MOXD1: variants seen among roughly 807,000 people sequenced by gnomAD.
MOXD1 encodes the protein DBH-like monooxygenase protein 1.
Under a neutral mutation model 66.6 loss-of-function variants are expected in MOXD1, and 62 were observed. The ratio of observed to expected loss-of-function variants is 0.93; its 90% CI spans 0.76 to 1.15. The LOEUF (loss-of-function observed/expected upper bound fraction) is 1.15. MOXD1 is among the 50% of genes most tolerant of loss of function. The probability of loss-of-function intolerance (pLI) is 0.00; values close to 1 mark genes in which losing one functional copy is unlikely to be tolerated. For missense variants in MOXD1, 847 were observed against 754.6 expected, an observed-to-expected ratio of 1.12 and a Z score of -1.44; for synonymous variants, 303 against 281.9, an observed-to-expected ratio of 1.07 and a Z score of -0.75.
chr6:132,304,129 C>A (rs1242628970), intron 10 of MOXD1, among the ~76,000 whole-genome samples: 2 of 151,462 alleles, frequency 1.3e-5, no homozygotes, highest in East Asian at 1.9e-4. Flanking sequence ...AGAGGTGGGG[C>A]CTTGAGGAGG....
intron 1 of MOXD1, among the ~76,000 whole-genome samples, chr6:132,386,447 A>AAAC (rs1776646501): frequency 7.7e-6 from 1 of 130,300 alleles, no homozygotes; most frequent in African/African-American, 3.3e-5. Flanking sequence ...AAAAAAAAAC[A>AAAC]AAAAAAAAAC....
In MOXD1 at chr6:132,340,704, T is replaced by C. The variant is rs187774205; in HGVS notation, c.664-12110A>G. ...CTCTGTCACCCAGGCTGGAGTGCAG[T>C]GGCGCGATCTCTGCTCACTGCAAGC... On this transcript the variant is annotated intron_variant, in intron 4 of 11. Coordinates refer to ENST00000367963, the MANE Select transcript of MOXD1 (RefSeq NM_015529.4). Among the ~76,000 whole-genome samples the C allele has an allele frequency of 2.7e-3, 373 of 140,020 alleles. 2 individuals are homozygous for C. The highest frequency in any genetic ancestry group is 3.8e-3 in the Middle Eastern group (1 of 262). 91.9% of individuals were successfully genotyped at this position (140,020 alleles called of 152,430 possible). A position where few individuals can be genotyped will look rare whatever the true frequency, so the allele number is the denominator to read the frequency against.
rs1213955872 is a variant in MOXD1 at position 132,374,661 on chromosome 6, A to G, written c.381T>C (p.His127=). The change falls in exon 2 of 12, where the codon CAT becomes CAC. Residue 127 remains histidine (H), a synonymous_variant. Transcript: ENST00000367963. ...TACTCTTGTCATTTATGTCACATGTATGCAGCTCTCTGGTAAATTCAATTA... is the reference window on the plus strand; with the variant it reads ...TACTCTTGTCATTTATGTCACATGTGTGCAGCTCTCTGGTAAATTCAATTA... ...HTIIEFTREL[H]TCDINDKSIT... is the part of the protein sequence containing the mutation. 1.9e-6 allele frequency: 3 copies of G among 1,613,842 alleles called. No individual in the cohort carries two copies. The highest frequency in any genetic ancestry group is 2.2e-5 in the East Asian group (1 of 44,866).
chr6:132,315,271 G>C lies in MOXD1; in HGVS notation c.1508+364C>G, dbSNP rs554828436. Among the ~76,000 whole-genome samples the C allele has an allele frequency of 9.2e-5, 14 of 152,318 alleles. No homozygotes were observed. In the East Asian group the frequency reaches 1.4e-3, roughly 15 times the overall value. ...ATGATGGTGTAATTTGGTGCATTCT[G>C]TGTGACTCCACTGGAAGAGGGCTCT... On this transcript the variant is annotated intron_variant, in intron 10 of 11. Coordinates refer to ENST00000367963, the MANE Select transcript of MOXD1 (RefSeq NM_015529.4).
intron 4 of MOXD1, among the ~76,000 whole-genome samples, chr6:132,345,707 A>T (rs1289273798): frequency 1.3e-5 from 2 of 152,218 alleles, no homozygotes; most frequent in Non-Finnish European, 2.9e-5. Flanking sequence ...TAGAGTAATA[A>T]CTGACTAGGA....
At chr6:132,329,619 G>T (rs1775273898) in intron 4 of MOXD1, among the ~76,000 whole-genome samples, 1 of 151,884 alleles carries the variant, frequency 6.6e-6, no homozygotes, top group South Asian at 2.1e-4. Flanking sequence ...GAAGGCTAGG[G>T]CTCAATCATT....
intron 4 of MOXD1, among the ~76,000 whole-genome samples, chr6:132,369,352 C>G (rs1195940904): frequency 1.3e-5 from 2 of 152,116 alleles, no homozygotes; most frequent in Non-Finnish European, 2.9e-5. Context: ...ACTTATCATG[C>G]ACTGTGGCCA....
intron 1 of MOXD1, among the ~76,000 whole-genome samples, chr6:132,386,437 A>ACAAAAC (rs1262240824): frequency 0.016 from 2,261 of 145,352 alleles, 77 homozygotes; most frequent in African/African-American, 0.054. Context: ...ACAAAACAAA[A>ACAAAAC]AAAAAAAACA....
At chr6:132,354,128 G>C (rs1775862297) in intron 4 of MOXD1, among the ~76,000 whole-genome samples, 1 of 152,086 alleles carries the variant, frequency 6.6e-6, no homozygotes, top group African/African-American at 2.4e-5. Context: ...AGCTTAATAA[G>C]TAACCTCCTG....
intron 4 of MOXD1, 50 bp from the exon 5 acceptor site, chr6:132,328,644 C>A: frequency 6.7e-7 from 1 of 1,499,270 alleles, no homozygotes; most frequent in Non-Finnish European, 9.1e-7. Flanking sequence ...GACCACCCTA[C>A]AACATCCCAC....
At chr6:132,374,515 G>A in intron 2 of MOXD1, 116 bp downstream of exon 2, 7 of 1,029,392 alleles carry the variant, frequency 6.8e-6, no homozygotes, top group Admixed American at 3.2e-5. Context: ...AATCAAAAAA[G>A]ATTTCAAAAA....
At chr6:132,317,546 A>C (rs2114561137) in intron 9 of MOXD1, among the ~76,000 whole-genome samples, 1 of 152,244 alleles carries the variant, frequency 6.6e-6, no homozygotes. Flanking sequence ...TACCAAGGGG[A>C]ATGTCCAGTG....
chr6:132,299,192 C>T (rs778136856), intron 10 of MOXD1, among the ~76,000 whole-genome samples: 8 of 152,116 alleles, frequency 5.3e-5, no homozygotes, highest in Non-Finnish European at 7.3e-5. Context: ...CCAAAAACCG[C>T]GTGTTCTCAC....
rs1562287208 is a variant in MOXD1, at chr6:132,340,638, A to ATCTTTTTTTTT, written c.664-12045_664-12044insAAAAAAAAAGA. On this transcript the variant is annotated intron_variant, in intron 4 of 11. Transcript: ENST00000367963. ...ACAACATGCTAAAACAACAAGACTC[A>ATCTTTTTTTTT]TTTTTTTTTTTTTTTTTTTTTTTTT... Among the ~76,000 whole-genome samples, 10 of 98,808 alleles carry ATCTTTTTTTTT rather than the reference A, an allele frequency of 1.0e-4. 1 individual carries two copies. Among genetic ancestry groups the ATCTTTTTTTTT allele is most frequent in the African/African-American group, 4.4e-4 (10 of 22,542 alleles). The allele number at this position is 98,808 out of a possible 152,430, so 64.8% of individuals were successfully genotyped here. A position where few individuals can be genotyped will look rare whatever the true frequency, so the allele number is the denominator to read the frequency against.
chr6:132,366,884 T>G (rs1278067492), intron 4 of MOXD1, among the ~76,000 whole-genome samples: 1 of 152,076 alleles, frequency 6.6e-6, no homozygotes, highest in Non-Finnish European at 1.5e-5. Context: ...TACAGTAATC[T>G]GGCTTCAAGG....
At chr6:132,354,850 G>A (rs1228849646) in intron 4 of MOXD1, among the ~76,000 whole-genome samples, 1 of 152,106 alleles carries the variant, frequency 6.6e-6, no homozygotes, top group African/African-American at 2.4e-5. Flanking sequence ...GGGAATGGGG[G>A]TGAGGTTCCC....
At chr6:132,354,936 G>A (rs1484302096) in intron 4 of MOXD1, among the ~76,000 whole-genome samples, 1 of 152,046 alleles carries the variant, frequency 6.6e-6, no homozygotes, top group African/African-American at 2.4e-5. Flanking sequence ...GGAAGTAGGG[G>A]AAAACCAACA....
At chr6:132,397,698 GAAAA>G (rs869225642) in intron 1 of MOXD1, among the ~76,000 whole-genome samples, 8 of 139,652 alleles carry the variant, frequency 5.7e-5, no homozygotes, top group African/African-American at 1.0e-4. Flanking sequence ...AAGAAAGAAA[GAAAA>G]AGAAAGAGTA....
At chr6:132,302,810 C>G (rs943463506) in intron 10 of MOXD1, among the ~76,000 whole-genome samples, 1 of 151,966 alleles carries the variant, frequency 6.6e-6, no homozygotes, top group African/African-American at 2.4e-5. Flanking sequence ...TCCTATAAAA[C>G]TATAATAATT....
Sources: gnomAD v4.1 joint callset for allele counts (sites outside exome capture counted in the v4.1 genomes callset) on GRCh38, gnomAD v4.1.1 for gene constraint, MANE v1.5 for transcripts, NCBI Gene and HGNC (gene_info 2026-07-23, HGNC 2026-07-21) for gene names.